The following CDH13 variants were observed in gnomAD, a reference collection of about 807,000 sequenced individuals.
CDH13 encodes cadherin-13.
CDH13 carries 24 observed loss-of-function variants against 63.8 expected under a neutral mutation model. That is an observed-to-expected ratio of 0.38 (90% CI 0.27 to 0.53). The LOEUF is 0.53. CDH13 is among the 20% of genes least tolerant of loss of function. The pLI is 0.85. For missense variants in CDH13, 1,049 were observed against 903.1 expected (o/e 1.16, Z -2.07); for synonymous variants, 503 against 355.3 (o/e 1.42, Z -4.67).
At chr16:82,738,495 C>T (rs1015799746) in intron 1 of CDH13, among the ~76,000 whole-genome samples, 3 of 152,206 alleles carry the variant, frequency 2.0e-5, no homozygotes, top group Admixed American at 6.5e-5. Flanking sequence ...TGCCCTAAAA[C>T]GTTTAGTGGC....
intron 3 of CDH13, among the ~76,000 whole-genome samples, chr16:83,090,929 C>T (rs781671782): frequency 6.6e-6 from 1 of 151,030 alleles, no homozygotes; most frequent in Non-Finnish European, 1.5e-5. Context: ...CAGCAAAATA[C>T]TGTGTGGATA....
chr16:83,782,103 T>C (rs1384321367), intron 12 of CDH13, among the ~76,000 whole-genome samples: 1 of 152,214 alleles, frequency 6.6e-6, no homozygotes, highest in African/African-American at 2.4e-5. Context: ...CTGTCATTAC[T>C]CTCTTGTTTT....
intron 1 of CDH13, among the ~76,000 whole-genome samples, chr16:82,635,916 TTGC>T (rs1419737689): frequency 6.6e-6 from 1 of 152,058 alleles, no homozygotes; most frequent in Non-Finnish European, 1.5e-5. Flanking sequence ...TCTCTCCTGC[TTGC>T]TGTGTGAAGA....
chr16:82,885,480 C>CATCT (rs1442611542), intron 2 of CDH13, among the ~76,000 whole-genome samples: 3 of 135,712 alleles, frequency 2.2e-5, no homozygotes, highest in East Asian at 4.9e-4. Context: ...TCCATCCATC[C>CATCT]ACCCATCCAT....
At chr16:83,480,050 C>A (rs754361186) in intron 6 of CDH13, among the ~76,000 whole-genome samples, 3 of 152,136 alleles carry the variant, frequency 2.0e-5, no homozygotes, top group South Asian at 4.1e-4. Flanking sequence ...TGAGGTGGGG[C>A]GTGATGGCTC....
intron 7 of CDH13, among the ~76,000 whole-genome samples, chr16:83,520,232 C>T (rs1176246321): frequency 6.6e-6 from 1 of 152,144 alleles, no homozygotes; most frequent in Admixed American, 6.5e-5. Context: ...TTGACACTCA[C>T]AGGCTCTAAG....
chr16:82,771,478 C>G (rs1025306220), intron 1 of CDH13, among the ~76,000 whole-genome samples: 1 of 152,160 alleles, frequency 6.6e-6, no homozygotes, highest in Non-Finnish European at 1.5e-5. Context: ...TCTATTCTGC[C>G]GTCAGCATTA....
At chr16:83,151,142 G>A (rs58341451) in intron 4 of CDH13, among the ~76,000 whole-genome samples, 2,287 of 152,212 alleles carry the variant, frequency 0.015, 66 homozygotes, top group African/African-American at 0.052. Context: ...CTTCATTCCA[G>A]ATGCTTAGAA....
intron 5 of CDH13, among the ~76,000 whole-genome samples, chr16:83,262,633 A>G (rs887174525): frequency 2.0e-5 from 3 of 152,220 alleles, no homozygotes; most frequent in African/African-American, 7.2e-5. Context: ...TGAATTTGAA[A>G]AGAAATCTGA....
chr16:83,719,158 T>A (rs1318270318), intron 10 of CDH13, among the ~76,000 whole-genome samples: 1 of 152,116 alleles, frequency 6.6e-6, no homozygotes, highest in Non-Finnish European at 1.5e-5. Context: ...TTGCAGAGAG[T>A]CCAGTAGCCA....
intron 1 of CDH13, among the ~76,000 whole-genome samples, chr16:82,787,258 A>G (rs2036061377): frequency 1.3e-5 from 2 of 152,192 alleles, no homozygotes; most frequent in South Asian, 2.1e-4. Flanking sequence ...ATGTCCATGT[A>G]TACAGCTGAG....
At chr16:83,201,803 G>A (rs1455681396) in intron 4 of CDH13, among the ~76,000 whole-genome samples, 2 of 151,658 alleles carry the variant, frequency 1.3e-5, no homozygotes, top group African/African-American at 2.4e-5. Flanking sequence ...TGTAGTCCCA[G>A]CTACTTGGGA....
intron 7 of CDH13, among the ~76,000 whole-genome samples, chr16:83,528,531 C>G (rs2075012779): frequency 1.3e-5 from 2 of 152,012 alleles, no homozygotes; most frequent in Non-Finnish European, 2.9e-5. Flanking sequence ...GTCTAAGAGC[C>G]CTTGGGAGGG....
At chr16:83,658,693 A>G (rs1913127945) in intron 8 of CDH13, among the ~76,000 whole-genome samples, 2 of 151,004 alleles carry the variant, frequency 1.3e-5, no homozygotes, top group African/African-American at 2.4e-5. Flanking sequence ...CCTCACCACC[A>G]GGTCCCATAT....
At chr16:82,868,054 G>T (rs1020813818) in intron 2 of CDH13, among the ~76,000 whole-genome samples, 1 of 152,120 alleles carries the variant, frequency 6.6e-6, no homozygotes, top group African/African-American at 2.4e-5. Context: ...TTACTTTCAG[G>T]TTGGGAGACT....
intron 6 of CDH13, among the ~76,000 whole-genome samples, chr16:83,406,351 C>G (rs1051331947): frequency 6.6e-6 from 1 of 152,148 alleles, no homozygotes. Context: ...CGCCTACACT[C>G]AAGTCTTTGT....
At chr16:83,781,786 G>T (rs915305836) in intron 12 of CDH13, among the ~76,000 whole-genome samples, 2 of 151,394 alleles carry the variant, frequency 1.3e-5, no homozygotes, top group Non-Finnish European at 2.9e-5. Flanking sequence ...CGTGCAGAGG[G>T]GGGTGAGCAT....
At chr16:83,158,616 G>C (rs970921548) in intron 4 of CDH13, among the ~76,000 whole-genome samples, 1 of 152,222 alleles carries the variant, frequency 6.6e-6, no homozygotes, top group Non-Finnish European at 1.5e-5. Context: ...CTGCTCCAGC[G>C]TTGGGGTCAT....
At chr16:82,819,203 T>C (rs537083160) in intron 1 of CDH13, among the ~76,000 whole-genome samples, 45 of 152,326 alleles carry the variant, frequency 3.0e-4, no homozygotes, top group Middle Eastern at 6.8e-3. Context: ...ATCCTGTAGT[T>C]ACAAAAACAA....
Sources: allele counts gnomAD v4.1 joint callset (sites outside exome capture counted in the v4.1 genomes callset), GRCh38; gene constraint gnomAD v4.1.1; transcripts MANE v1.5; gene names NCBI Gene and HGNC (gene_info 2026-07-23, HGNC 2026-07-21).